SEL1L2: variants seen among roughly 807,000 people sequenced by gnomAD.
The protein encoded by SEL1L2 is protein sel-1 homolog 2.
SEL1L2 carries 89 observed loss-of-function variants against 98.8 expected under a neutral mutation model. The ratio of observed to expected loss-of-function variants is 0.90; its 90% CI spans 0.76 to 1.07. The LOEUF is 1.07. Among genes scored for constraint, SEL1L2 ranks in the 50% least tolerant of loss-of-function variants. The probability of loss-of-function intolerance (pLI) is 0.00; values close to 1 mark genes in which losing one functional copy is unlikely to be tolerated. For synonymous variants in SEL1L2, 262 were observed against 278.5 expected, an observed-to-expected ratio of 0.94 and a Z score of 0.59; for missense variants, 788 against 812.0, an observed-to-expected ratio of 0.97 and a Z score of 0.36.
intron 4 of SEL1L2, chr20:13,915,338 G>C (rs2048358550): frequency 1.0e-6 from 1 of 977,164 alleles, no homozygotes; most frequent in African/African-American, 1.7e-5. Flanking sequence ...CCAGGTCAAA[G>C]CCAGCTGAAA....
intron 2 of SEL1L2, among the ~76,000 whole-genome samples, chr20:13,946,799 A>G (rs1600865521): frequency 6.6e-6 from 1 of 152,228 alleles, no homozygotes. Context: ...AGCACCTGGT[A>G]CTGTGATTTT....
intron 2 of SEL1L2, among the ~76,000 whole-genome samples, chr20:13,933,078 T>A (rs912233880): frequency 1.3e-5 from 2 of 151,874 alleles, no homozygotes; most frequent in African/African-American, 4.8e-5. Flanking sequence ...GGCCTGGTGG[T>A]GTGTGCCTGT....
chr20:13,945,600 A>C (rs2049972502), intron 2 of SEL1L2, among the ~76,000 whole-genome samples: 2 of 152,098 alleles, frequency 1.3e-5, no homozygotes, highest in Admixed American at 1.3e-4. Context: ...CTATGAGGTC[A>C]GCATTACCCC....
At chr20:13,986,087 T>C (rs888656614) in intron 1 of SEL1L2, among the ~76,000 whole-genome samples, 2 of 152,240 alleles carry the variant, frequency 1.3e-5, no homozygotes, top group African/African-American at 4.8e-5. Flanking sequence ...TGAATAATGC[T>C]ACTATTTATG....
At chr20:13,918,967 T>C (rs1053206949) in intron 4 of SEL1L2, 54 bp downstream of exon 4, 10 of 1,289,744 alleles carry the variant, frequency 7.8e-6, no homozygotes, top group Middle Eastern at 1.9e-4. Flanking sequence ...GGGATTTTTC[T>C]TTTTTCTTAA....
intron 1 of SEL1L2, among the ~76,000 whole-genome samples, chr20:13,970,189 A>C (rs2051219633): frequency 6.6e-6 from 1 of 152,212 alleles, no homozygotes; most frequent in African/African-American, 2.4e-5. Context: ...ACTTAGAGTC[A>C]AAGAATCGCA....
intron 1 of SEL1L2, among the ~76,000 whole-genome samples, chr20:13,984,596 A>T (rs2052053553): frequency 6.6e-6 from 1 of 152,100 alleles, no homozygotes; most frequent in Non-Finnish European, 1.5e-5. Flanking sequence ...CCTACTAGTT[A>T]CACTGTCACC....
intron 5 of SEL1L2, among the ~76,000 whole-genome samples, chr20:13,900,835 G>A (rs2047638485): frequency 1.3e-5 from 2 of 152,008 alleles, no homozygotes; most frequent in African/African-American, 2.4e-5. Context: ...GGTCATTGGG[G>A]GCTCACCTGG....
chr20:13,908,317 T>A (rs922166661), intron 5 of SEL1L2, among the ~76,000 whole-genome samples: 2 of 151,758 alleles, frequency 1.3e-5, no homozygotes, highest in Non-Finnish European at 2.9e-5. Flanking sequence ...GAGACAGGAT[T>A]CTCACCATGT....
intron 18 of SEL1L2, among the ~76,000 whole-genome samples, chr20:13,857,876 C>T (rs1200271669): frequency 6.6e-6 from 1 of 152,134 alleles, no homozygotes; most frequent in Non-Finnish European, 1.5e-5. Context: ...ATTCTTAATG[C>T]CTGGGGCAGG....
chr20:13,972,791 T>C (rs1391354683), intron 1 of SEL1L2, among the ~76,000 whole-genome samples: 1 of 152,184 alleles, frequency 6.6e-6, no homozygotes. Flanking sequence ...GTAAATAACA[T>C]GTTTTTCTCT....
At chr20:13,902,487 G>A (rs1487855192) in intron 5 of SEL1L2, among the ~76,000 whole-genome samples, 1 of 152,100 alleles carries the variant, frequency 6.6e-6, no homozygotes, top group Non-Finnish European at 1.5e-5. Flanking sequence ...GATTTTAGAT[G>A]TTTCAGTCCA....
Position 13,870,216 on chromosome 20 carries a change from TATAAAGCCAA to T in SEL1L2, c.1105-23_1105-14del. On this transcript the variant is annotated splice_polypyrimidine_tract_variant and intron_variant, in intron 12 of 19. Transcript: ENST00000284951. ...CGATTGCATTGCCCTAGAAGAGTTTTATAAAGCCAAGTAAAGTCCCAGAAGAATTCATGAT... is the reference window on the plus strand; with the variant it reads ...CGATTGCATTGCCCTAGAAGAGTTTTGTAAAGTCCCAGAAGAATTCATGAT... 1 of 1,597,410 alleles carries T rather than the reference TATAAAGCCAA, an allele frequency of 6.3e-7. No individual in the cohort carries two copies.
chr20:13,972,408 T>A (rs970548219), intron 1 of SEL1L2, among the ~76,000 whole-genome samples: 1 of 152,206 alleles, frequency 6.6e-6, no homozygotes, highest in African/African-American at 2.4e-5. Flanking sequence ...AAAGGATTTT[T>A]AAAAAGAAAT....
chr20:13,903,611 G>A (rs755821890), intron 5 of SEL1L2, among the ~76,000 whole-genome samples: 1 of 152,098 alleles, frequency 6.6e-6, no homozygotes. Flanking sequence ...TCAGGAGTTC[G>A]AGACCAGCCT....
At chr20:13,858,110 CA>C (rs957200066) in intron 18 of SEL1L2, among the ~76,000 whole-genome samples, 4 of 152,056 alleles carry the variant, frequency 2.6e-5, no homozygotes, top group African/African-American at 7.2e-5. Flanking sequence ...AATGATCAGC[CA>C]AAAGGCAGGC....
intron 5 of SEL1L2, among the ~76,000 whole-genome samples, chr20:13,905,309 CTTTTT>C (rs34326096): frequency 1.5e-5 from 2 of 132,968 alleles, no homozygotes; most frequent in African/African-American, 5.6e-5. Context: ...TGTCCTATAA[CTTTTT>C]TTTTTTTTTT....
chr20:13,899,096 C>G (rs1304506761), intron 5 of SEL1L2, among the ~76,000 whole-genome samples: 2 of 152,120 alleles, frequency 1.3e-5, no homozygotes, highest in Non-Finnish European at 1.5e-5. Flanking sequence ...CCATGTGACA[C>G]TAACCCATTG....
chr20:13,917,163 G>T (rs2048441477), intron 4 of SEL1L2, among the ~76,000 whole-genome samples: 1 of 152,124 alleles, frequency 6.6e-6, no homozygotes, highest in Non-Finnish European at 1.5e-5. Context: ...ACCAGCCCCT[G>T]ACTGGCGCTC....
Sources: allele counts gnomAD v4.1 joint callset (sites outside exome capture counted in the v4.1 genomes callset), GRCh38; gene constraint gnomAD v4.1.1; transcripts MANE v1.5; gene names NCBI Gene and HGNC (gene_info 2026-07-23, HGNC 2026-07-21).